Variants in ZNF410 observed in about 807,000 individuals in gnomAD.
The protein encoded by ZNF410 is another partner for ARF 1.
A neutral mutation model predicts 54.8 loss-of-function variants in ZNF410; 18 were observed. The ratio of observed to expected loss-of-function variants is 0.33; its 90% CI spans 0.23 to 0.49. The LOEUF (loss-of-function observed/expected upper bound fraction) is 0.49. ZNF410 is among the 20% of genes least tolerant of loss of function. ZNF410 has a pLI of 0.99. For synonymous variants in ZNF410, 191 were observed against 207.3 expected (o/e 0.92, Z 0.68); for missense variants, 405 against 569.6 (o/e 0.71, Z 2.94).
chr14:73,890,377 G>A (rs1335625681), intron 1 of ZNF410, among the ~76,000 whole-genome samples: 1 of 151,182 alleles, frequency 6.6e-6, no homozygotes, highest in East Asian at 2.0e-4. Context: ...TAGTAGAGAC[G>A]GGGTTTCGCC....
intron 11 of ZNF410, among the ~76,000 whole-genome samples, chr14:73,926,332 G>A (rs1566667692): frequency 6.6e-6 from 1 of 151,694 alleles, no homozygotes. Context: ...AACAATGTCT[G>A]TATATTGCAT....
chr14:73,922,338 C>A, intron 10 of ZNF410, 132 bp downstream of exon 10: 1 of 972,936 alleles, frequency 1.0e-6, no homozygotes, highest in Non-Finnish European at 1.4e-6. Context: ...CATTTGTGTT[C>A]TTATTCTCTG....
chr14:73,895,649 C>T (rs2055306164), intron 3 of ZNF410, among the ~76,000 whole-genome samples: 1 of 152,102 alleles, frequency 6.6e-6, no homozygotes, highest in Admixed American at 6.5e-5. Context: ...AATCCAAATA[C>T]TTGGCCTCCC....
chr14:73,905,211 G>A, intron 7 of ZNF410, 128 bp downstream of exon 7: 1 of 954,044 alleles, frequency 1.0e-6, no homozygotes, highest in South Asian at 2.1e-5. Flanking sequence ...TCTGAAGATG[G>A]GATTTCTTTT....
At chr14:73,917,330 T>A (rs2055682853) in intron 8 of ZNF410, among the ~76,000 whole-genome samples, 1 of 152,208 alleles carries the variant, frequency 6.6e-6, no homozygotes, top group African/African-American at 2.4e-5. Flanking sequence ...TATGTAGATT[T>A]GCTTCAGTTT....
intron 7 of ZNF410, chr14:73,906,304 T>A (rs116579049): frequency 0.06 from 9,042 of 151,542 alleles, 343 homozygotes; most frequent in African/African-American, 0.11. Context: ...GTGCCCAGCC[T>A]ATACTTTTTT....
At chr14:73,916,718 A>T (rs941231539) in intron 8 of ZNF410, 1 of 152,082 alleles carries the variant, frequency 6.6e-6, no homozygotes, top group African/African-American at 2.4e-5. Flanking sequence ...TTATGCCTGT[A>T]ATCTTGGCAC....
In ZNF410 at chr14:73,892,250, T is replaced by G. The variant is rs1464559967; in HGVS notation, c.33+42T>G. ...TGTTTCCTTTTCTTTTGGTGGGCTATATTTCAAAGTTTATCTTCAGTTTAG... is the reference window on the plus strand; with the variant it reads ...TGTTTCCTTTTCTTTTGGTGGGCTAGATTTCAAAGTTTATCTTCAGTTTAG... On this transcript the variant is annotated intron_variant, in intron 2 of 11. Coordinates refer to ENST00000555044, the MANE Select transcript of ZNF410 (RefSeq NM_021188.3). 3 of 1,605,526 alleles carry G rather than the reference T, an allele frequency of 1.9e-6. No homozygotes were observed. The African/African-American group carries it at 4.0e-5, about 22-fold the overall frequency.
rs923394692 is a variant in ZNF410 at position 73,919,187 on chromosome 14, C to T, written c.1004-1793C>T. ...CGCCTAGCTAATTTTTGTAGAGATG[C>T]GGTTTCACTATGTTGGCCGGGCTGG... On this transcript the variant is annotated intron_variant, in intron 8 of 11. Transcript: ENST00000555044. 2.0e-5 allele frequency among the ~76,000 whole-genome samples: 3 copies of T among 150,550 alleles called. No individual in the cohort carries two copies. The East Asian group carries it at 5.9e-4, about 29-fold the overall frequency.
chr14:73,922,270 G>A (rs2055767880), intron 10 of ZNF410, 64 bp downstream of exon 10: 2 of 1,524,528 alleles, frequency 1.3e-6, no homozygotes, highest in African/African-American at 2.7e-5. Context: ...AAGGAATGGG[G>A]TGTCTCCACA....
At chr14:73,918,082 G>A (rs926629693) in intron 8 of ZNF410, among the ~76,000 whole-genome samples, 5 of 151,970 alleles carry the variant, frequency 3.3e-5, no homozygotes, top group Admixed American at 2.6e-4. Context: ...TTGGTTATTT[G>A]TATTTTTTAT....
Position 73,932,191 on chromosome 14 carries a change from G to T in ZNF410, c.*650G>T. On this transcript the variant is annotated 3_prime_UTR_variant, in exon 12 of 12. Transcript: ENST00000555044. ...GGAACATACAGTAGCATGTTAAGAG[G>T]GATTTCATGTTTTTGTTTTTTTAAA... is the stretch of plus-strand genomic sequence containing the variant. 1 of 337,830 alleles carries T rather than the reference G, an allele frequency of 3.0e-6. No homozygotes were observed. Among genetic ancestry groups the T allele is most frequent in the Admixed American group, 4.4e-5 (1 of 22,490 alleles). 20.9% of individuals were successfully genotyped at this position (337,830 alleles called of 1,614,324 possible).
chr14:73,911,114 T>C (rs2055571083), intron 8 of ZNF410, among the ~76,000 whole-genome samples: 1 of 152,210 alleles, frequency 6.6e-6, no homozygotes, highest in African/African-American at 2.4e-5. Context: ...AATGAGGACA[T>C]AGCTGAGAGT....
Position 73,892,135 on chromosome 14 carries a change from A to G in ZNF410, c.-41A>G. On this transcript the variant is annotated 5_prime_UTR_variant, in exon 2 of 12. Transcript: ENST00000555044. ...ATCATTGGCTCTGAATTAAATTTGA[A>G]CTTGTCCCCTGAATAGCTACAGGTT... The G allele has an allele frequency of 6.2e-7, 1 of 1,611,434 alleles. No homozygotes were observed. The highest frequency in any genetic ancestry group is 8.5e-7 in the Non-Finnish European group (1 of 1,177,668).
intron 5 of ZNF410, among the ~76,000 whole-genome samples, chr14:73,901,529 T>C (rs901245908): frequency 6.6e-6 from 1 of 152,104 alleles, no homozygotes; most frequent in Non-Finnish European, 1.5e-5. Context: ...CCTTGCCTTA[T>C]TCTATGTATT....
chr14:73,900,195 C>CA lies in ZNF410; in HGVS notation c.580+1947dup, dbSNP rs60950253. 7.4e-3 allele frequency among the ~76,000 whole-genome samples: 925 copies of CA among 125,620 alleles called. 7 individuals carry two copies. Among genetic ancestry groups the CA allele is most frequent in the African/African-American group, 0.015 (516 of 34,978 alleles). 82.4% of individuals were successfully genotyped at this position (125,620 alleles called of 152,430 possible). Reference sequence around the variant, plus strand: ...GCAACAAGAGCGAAACTTGGTCTCCCAAAAAAAAAAAAAATCACCCCAAAT... The same window carrying CA: ...GCAACAAGAGCGAAACTTGGTCTCCCAAAAAAAAAAAAAAATCACCCCAAAT... On this transcript the variant is annotated intron_variant, in intron 5 of 11. Transcript: ENST00000555044.
chr14:73,895,987 A>T (rs982785605), intron 3 of ZNF410, among the ~76,000 whole-genome samples: 1 of 152,200 alleles, frequency 6.6e-6, no homozygotes, highest in Admixed American at 6.5e-5. Context: ...TATTCATTGT[A>T]TAGCTATATT....
Position 73,931,879 on chromosome 14 carries a change from T to G in ZNF410, c.*338T>G. On this transcript the variant is annotated 3_prime_UTR_variant, in exon 12 of 12. Transcript: ENST00000555044. ...TGACTGTTGAGGGGAGGTTTTCCTT[T>G]GAAGAGTTTTCATCCCAGACTCAGC... 2.2e-6 allele frequency: 1 copy of G among 446,394 alleles called. No individual in the cohort carries two copies. Among genetic ancestry groups the G allele is most frequent in the African/African-American group, 2.0e-5 (1 of 49,834 alleles). The allele number at this position is 446,394 out of a possible 1,614,324, so 27.7% of individuals were successfully genotyped here.
chr14:73,922,399 A>G, intron 10 of ZNF410, 193 bp downstream of exon 10: 1 of 434,928 alleles, frequency 2.3e-6, no homozygotes, highest in East Asian at 3.8e-5. Flanking sequence ...ATTGAAGATA[A>G]TATAATAAAA....
Sources: gnomAD v4.1 joint callset for allele counts (sites outside exome capture counted in the v4.1 genomes callset) on GRCh38, gnomAD v4.1.1 for gene constraint, MANE v1.5 for transcripts, NCBI Gene and HGNC (gene_info 2026-07-23, HGNC 2026-07-21) for gene names.